The following KIFAP3 variants were observed in gnomAD, a reference collection of about 807,000 sequenced individuals.
The protein encoded by KIFAP3 is kinesin-associated protein 3.
KIFAP3 carries 68 observed loss-of-function variants against 106.5 expected under a neutral mutation model. The ratio of observed to expected loss-of-function variants is 0.64; its 90% CI spans 0.53 to 0.78. KIFAP3 has a LOEUF of 0.78. KIFAP3 is among the 30% of genes least tolerant of loss of function. The probability of loss-of-function intolerance (pLI) is 0.00; values close to 1 mark genes in which losing one functional copy is unlikely to be tolerated. For synonymous variants in KIFAP3, 320 were observed against 311.5 expected (o/e 1.03, Z -0.29); for missense variants, 780 against 941.8 (o/e 0.83, Z 2.25).
At chr1:169,931,211 T>C (rs1663457415) in intron 19 of KIFAP3, among the ~76,000 whole-genome samples, 1 of 152,186 alleles carries the variant, frequency 6.6e-6, no homozygotes, top group South Asian at 2.1e-4. Flanking sequence ...TAAGCCACCG[T>C]GTCTGACCCA....
chr1:170,023,674 A>G (rs1255831816), intron 9 of KIFAP3, among the ~76,000 whole-genome samples: 1 of 152,068 alleles, frequency 6.6e-6, no homozygotes, highest in Admixed American at 6.6e-5. Context: ...TGTACATAAC[A>G]AAGACTTTTT....
chr1:169,934,269 C>T (rs546872071), intron 19 of KIFAP3, among the ~76,000 whole-genome samples: 2 of 152,146 alleles, frequency 1.3e-5, no homozygotes, highest in South Asian at 2.1e-4. Flanking sequence ...AAAATAATGC[C>T]GTGGCCAATC....
chr1:169,976,641 CATATTA>C (rs1358430928), intron 16 of KIFAP3, among the ~76,000 whole-genome samples: 12 of 152,162 alleles, frequency 7.9e-5, no homozygotes, highest in South Asian at 2.1e-4. Context: ...TTCGATAGCC[CATATTA>C]ATATTAACAT....
chr1:169,992,099 A>C (rs909215474), intron 11 of KIFAP3, 56 bp downstream of exon 11: 2 of 775,036 alleles, frequency 2.6e-6, no homozygotes, highest in Non-Finnish European at 3.7e-6. Context: ...AAGAGAAAAG[A>C]GTAAAAAATA....
intron 15 of KIFAP3, among the ~76,000 whole-genome samples, chr1:169,979,651 A>C (rs1666406576): frequency 6.6e-6 from 1 of 152,132 alleles, no homozygotes; most frequent in African/African-American, 2.4e-5. Context: ...GGTGATGTGG[A>C]AAAATTGCAG....
intron 19 of KIFAP3, among the ~76,000 whole-genome samples, chr1:169,929,539 CT>C (rs1365342999): frequency 2.0e-5 from 3 of 152,024 alleles, no homozygotes; most frequent in Non-Finnish European, 4.4e-5. Context: ...TTTCTTTGGA[CT>C]TGAACTTTTG....
chr1:170,022,577 T>G (rs570440644), intron 9 of KIFAP3, among the ~76,000 whole-genome samples: 1 of 152,296 alleles, frequency 6.6e-6, no homozygotes, highest in East Asian at 1.9e-4. Flanking sequence ...ATTGGGAGGC[T>G]AGATTCACTA....
chr1:170,028,439 T>A (rs993855945), intron 8 of KIFAP3, among the ~76,000 whole-genome samples: 1 of 152,068 alleles, frequency 6.6e-6, no homozygotes, highest in African/African-American at 2.4e-5. Context: ...CAGGTTCAAG[T>A]GATTCTCCTG....
At chr1:170,051,733 C>G (rs906360814) in intron 2 of KIFAP3, among the ~76,000 whole-genome samples, 2 of 152,120 alleles carry the variant, frequency 1.3e-5, no homozygotes, top group Admixed American at 1.3e-4. Flanking sequence ...ACAACCTGGT[C>G]CTGAATGACT....
chr1:169,937,265 T>C (rs1004117029), intron 19 of KIFAP3, among the ~76,000 whole-genome samples: 1 of 151,738 alleles, frequency 6.6e-6, no homozygotes, highest in South Asian at 2.1e-4. Flanking sequence ...AAAAAGGTTA[T>C]GAATAAAGGA....
At chr1:170,059,558 T>C (rs540786378) in intron 1 of KIFAP3, among the ~76,000 whole-genome samples, 39 of 152,088 alleles carry the variant, frequency 2.6e-4, no homozygotes, top group African/African-American at 8.4e-4. Flanking sequence ...CAGGACCAGA[T>C]GGATTCACAG....
intron 1 of KIFAP3, among the ~76,000 whole-genome samples, chr1:170,060,239 G>A (rs577971412): frequency 2.0e-5 from 3 of 152,290 alleles, no homozygotes; most frequent in Admixed American, 1.3e-4. Context: ...GTTTGCAGAT[G>A]ACATGATTGT....
chr1:170,028,783 G>C (rs888165321), intron 8 of KIFAP3, among the ~76,000 whole-genome samples: 1 of 152,130 alleles, frequency 6.6e-6, no homozygotes, highest in Non-Finnish European at 1.5e-5. Flanking sequence ...AGTTAAGCAT[G>C]TATCACTTGT....
chr1:169,924,861 T>C (rs77605974), intron 19 of KIFAP3, among the ~76,000 whole-genome samples: 8,511 of 152,224 alleles, frequency 0.056, 740 homozygotes, highest in African/African-American at 0.18. Flanking sequence ...AAAGGCAACG[T>C]TGCAGGAAAA....
intron 11 of KIFAP3, among the ~76,000 whole-genome samples, chr1:169,991,181 A>T (rs1667081597): frequency 1.3e-5 from 2 of 151,968 alleles, no homozygotes; most frequent in Non-Finnish European, 2.9e-5. Flanking sequence ...CTGTATAAAA[A>T]ATAAAAAATA....
At chr1:170,016,035 T>A (rs1419902576) in intron 10 of KIFAP3, among the ~76,000 whole-genome samples, 1 of 152,100 alleles carries the variant, frequency 6.6e-6, no homozygotes, top group South Asian at 2.1e-4. Context: ...AAAAAAAATA[T>A]ACCCTTTTTA....
chr1:170,082,990 T>C (rs1400910210), intron 1 of KIFAP3, among the ~76,000 whole-genome samples: 1 of 151,792 alleles, frequency 6.6e-6, no homozygotes, highest in Non-Finnish European at 1.5e-5. Flanking sequence ...AATAATAAAA[T>C]AAACACAGTT....
At chr1:169,955,905 T>C (rs952665825) in intron 18 of KIFAP3, among the ~76,000 whole-genome samples, 1 of 151,938 alleles carries the variant, frequency 6.6e-6, no homozygotes, top group Non-Finnish European at 1.5e-5. Context: ...TCATGGAAAA[T>C]GACAAGACAC....
chr1:169,925,561 A>C (rs1377845314), intron 19 of KIFAP3, among the ~76,000 whole-genome samples: 1 of 151,950 alleles, frequency 6.6e-6, no homozygotes, highest in Non-Finnish European at 1.5e-5. Flanking sequence ...AATTTTTGCT[A>C]ATATTTGCAA....
Sources: allele counts gnomAD v4.1 joint callset (sites outside exome capture counted in the v4.1 genomes callset), GRCh38; gene constraint gnomAD v4.1.1; transcripts MANE v1.5; gene names NCBI Gene and HGNC (gene_info 2026-07-23, HGNC 2026-07-21).